Variants in HCFC2 observed in about 807,000 individuals in gnomAD.
HCFC2 encodes the protein host cell factor 2.
In HCFC2, 18 loss-of-function variants were observed where a neutral mutation model predicts 89.2. The observed-to-expected ratio is 0.20, with a 90% CI of 0.14 to 0.30. The LOEUF (loss-of-function observed/expected upper bound fraction) is 0.30. HCFC2 is among the 10% of genes least tolerant of loss of function. The pLI is 1.00. For synonymous variants in HCFC2, 308 were observed against 335.7 expected (o/e 0.92, Z 0.90); for missense variants, 578 against 956.1 (o/e 0.60, Z 5.21).
chr12:104,064,950 G>T lies in HCFC2; in HGVS notation c.163+227G>T, dbSNP rs897474223. On this transcript the variant is annotated intron_variant, in intron 1 of 14. Transcript: ENST00000229330. This position sits in a 1 kb window ranked among gnomAD's most constrained non-coding sequence, Gnocchi z 7.3. ...GGGCGCAACGGACCCCGAGCGGGGC[G>T]CACCGGCCTTCAGGCGGGGGATCCC... 6 of 396,976 alleles carry T rather than the reference G, an allele frequency of 1.5e-5. No homozygotes were observed. The highest frequency in any genetic ancestry group is 1.3e-4 in the African/African-American group (6 of 47,546). The allele number at this position is 396,976 out of a possible 1,614,324, so 24.6% of individuals were successfully genotyped here. A position where few individuals can be genotyped will look rare whatever the true frequency, so the allele number is the denominator to read the frequency against.
In HCFC2 at chr12:104,104,991, A is replaced by G. The variant is rs2030048660; in HGVS notation, c.*1718A>G. ...TTCATTCTGCATTTGTTTAATTCATATGCTTTGCTTTTGGCATATGCTTGC... is the reference window on the plus strand; with the variant it reads ...TTCATTCTGCATTTGTTTAATTCATGTGCTTTGCTTTTGGCATATGCTTGC... On this transcript the variant is annotated 3_prime_UTR_variant, in exon 15 of 15. Coordinates refer to ENST00000229330, the MANE Select transcript of HCFC2 (RefSeq NM_013320.3). 6.6e-6 allele frequency: 1 copy of G among 152,022 alleles called. No individual in the cohort carries two copies. Among genetic ancestry groups the G allele is most frequent in the African/African-American group, 2.4e-5 (1 of 41,424 alleles). 9.4% of individuals were successfully genotyped at this position (152,022 alleles called of 1,614,324 possible). A position where few individuals can be genotyped will look rare whatever the true frequency, so the allele number is the denominator to read the frequency against.
chr12:104,096,285 A>G (rs749081871), intron 11 of HCFC2, 75 bp from the exon 12 acceptor site: 52 of 959,116 alleles, frequency 5.4e-5, no homozygotes, highest in Non-Finnish European at 7.1e-5. Context: ...GGCATTAAAT[A>G]TATATTTAAA....
chr12:104,082,662 G>A, intron 6 of HCFC2, 51 bp from the exon 7 acceptor site: 11 of 1,578,370 alleles, frequency 7.0e-6, no homozygotes, highest in Non-Finnish European at 8.6e-6. Flanking sequence ...GATAATTTTT[G>A]TAATTTTGTT....
At chr12:104,074,493 A>T (rs1883434420) in intron 3 of HCFC2, among the ~76,000 whole-genome samples, 2 of 151,878 alleles carry the variant, frequency 1.3e-5, no homozygotes, top group Admixed American at 1.3e-4. Flanking sequence ...TACTAGTTTT[A>T]TTTTTCTCTC....
intron 4 of HCFC2, among the ~76,000 whole-genome samples, chr12:104,079,887 C>T (rs1186154849): frequency 6.6e-6 from 1 of 152,120 alleles, no homozygotes; most frequent in Admixed American, 6.6e-5. Context: ...TACCTTATGT[C>T]CTGGTTTACC....
At chr12:104,071,778 G>A (rs1388323189) in intron 3 of HCFC2, among the ~76,000 whole-genome samples, 2 of 152,076 alleles carry the variant, frequency 1.3e-5, no homozygotes, top group African/African-American at 4.8e-5. Flanking sequence ...ATTCCCACCA[G>A]CAATATATAA....
chr12:104,076,324 GT>G (rs1652708949), intron 3 of HCFC2, among the ~76,000 whole-genome samples: 1 of 152,160 alleles, frequency 6.6e-6, no homozygotes, highest in East Asian at 1.9e-4. Flanking sequence ...GTGAGTCTAG[GT>G]CTTATCAACT....
chr12:104,071,876 A>T (rs183933971), intron 3 of HCFC2, among the ~76,000 whole-genome samples: 1 of 152,198 alleles, frequency 6.6e-6, no homozygotes, highest in East Asian at 1.9e-4. Context: ...GTAGTATCTC[A>T]TTGTGGTTTT....
intron 13 of HCFC2, among the ~76,000 whole-genome samples, chr12:104,098,734 C>T (rs982312688): frequency 2.6e-5 from 4 of 152,248 alleles, no homozygotes; most frequent in African/African-American, 4.8e-5. Flanking sequence ...GGCGCAGTGG[C>T]TCACGCCTGT....
At position 104,104,164 on chromosome 12, in the gene HCFC2, A is replaced by G. The variant is rs1298339169; in HGVS notation, c.*891A>G. On this transcript the variant is annotated 3_prime_UTR_variant, in exon 15 of 15. Transcript: ENST00000229330. ...ATAATTGAATTCAAAATTAAAGTAT[A>G]TGTCCTCCTATTGGAGAAAAAAACA... is the stretch of plus-strand genomic sequence containing the variant. 1 of 152,086 alleles carries G rather than the reference A, an allele frequency of 6.6e-6. No individual in the cohort carries two copies. Among genetic ancestry groups the G allele is most frequent in the Non-Finnish European group, 1.5e-5 (1 of 67,922 alleles). The allele number at this position is 152,086 out of a possible 1,614,324, so 9.4% of individuals were successfully genotyped here. A position where few individuals can be genotyped will look rare whatever the true frequency, so the allele number is the denominator to read the frequency against.
chr12:104,067,817 C>T, intron 2 of HCFC2, 130 bp from the exon 3 acceptor site: 1 of 726,446 alleles, frequency 1.4e-6, no homozygotes, highest in South Asian at 3.3e-5. Flanking sequence ...TCATTTGTCC[C>T]AAAAGTAGTT....
chr12:104,072,039 A>T (rs1883339090), intron 3 of HCFC2, among the ~76,000 whole-genome samples: 1 of 152,198 alleles, frequency 6.6e-6, no homozygotes, highest in African/African-American at 2.4e-5. Context: ...TTCTTTATAT[A>T]TTCTGGATAT....
Position 104,098,437 on chromosome 12 carries a change from G to A in HCFC2, c.1835G>A (p.Ser612Asn). ...GIFKNNTALV[S>N]QFYLLPKGKQ... ...TTTAAAAATAATACAGCTTTGGTGA[G>A]CCAGTTTTATTTGCTGCCAAAAGGG... is the stretch of plus-strand genomic sequence containing the variant. The change falls in exon 13 of 15, where the codon AGC (serine) becomes AAC (asparagine). Residue 612 changes from serine to asparagine, a missense_variant. Transcript: ENST00000229330. The A allele has an allele frequency of 1.2e-6, 2 of 1,610,874 alleles. No homozygotes were observed. Among genetic ancestry groups the A allele is most frequent in the South Asian group, 1.1e-5 (1 of 90,386 alleles).
chr12:104,093,007 A>G (rs991059616), intron 9 of HCFC2, among the ~76,000 whole-genome samples: 14 of 152,200 alleles, frequency 9.2e-5, no homozygotes, highest in Middle Eastern at 3.2e-3. Context: ...TGTAGTTATC[A>G]TATTTTTAGG....
chr12:104,106,173 C>A lies in HCFC2; in HGVS notation c.*2900C>A, dbSNP rs150692603. On this transcript the variant is annotated 3_prime_UTR_variant, in exon 15 of 15. Coordinates refer to ENST00000229330, the MANE Select transcript of HCFC2 (RefSeq NM_013320.3). ...GCCTCATTACCCAATTACATAAATA[C>A]AATTATCTATAGGAAGGTGAAATTG... The A allele has an allele frequency of 6.6e-6, 1 of 152,098 alleles. No homozygotes were observed. The highest frequency in any genetic ancestry group is 1.9e-4 in the East Asian group (1 of 5,192). The allele number at this position is 152,098 out of a possible 1,614,324, so 9.4% of individuals were successfully genotyped here.
chr12:104,087,485 G>A (rs867280439), intron 8 of HCFC2, among the ~76,000 whole-genome samples: 37 of 117,876 alleles, frequency 3.1e-4, no homozygotes, highest in Middle Eastern at 4.4e-3. Flanking sequence ...ATATATATAT[G>A]TATATATATA....
At chr12:104,069,914 T>C (rs2136593999) in intron 3 of HCFC2, among the ~76,000 whole-genome samples, 1 of 152,308 alleles carries the variant, frequency 6.6e-6, no homozygotes, top group East Asian at 1.9e-4. Flanking sequence ...GTTTTCTCAT[T>C]GTTCAGCTCC....
intron 7 of HCFC2, among the ~76,000 whole-genome samples, chr12:104,084,286 T>G (rs1196218528): frequency 6.6e-6 from 1 of 152,010 alleles, no homozygotes; most frequent in Non-Finnish European, 1.5e-5. Context: ...TATGAATACA[T>G]GAGATAGTGG....
chr12:104,072,467 TTAA>T (rs1294966322), intron 3 of HCFC2, among the ~76,000 whole-genome samples: 2 of 152,222 alleles, frequency 1.3e-5, no homozygotes, highest in African/African-American at 4.8e-5. Context: ...AATCACCATC[TTAA>T]TAATATTGGG....
Sources: allele counts gnomAD v4.1 joint callset (sites outside exome capture counted in the v4.1 genomes callset), GRCh38; gene constraint gnomAD v4.1.1; non-coding constraint Gnocchi (gnomAD v3.1); transcripts MANE v1.5; gene names NCBI Gene and HGNC (gene_info 2026-07-23, HGNC 2026-07-21).